The following PCCA variants were observed in gnomAD, a reference collection of about 807,000 sequenced individuals.
PCCA encodes the protein propionyl-CoA carboxylase alpha chain, mitochondrial.
PCCA carries 74 observed loss-of-function variants against 101.3 expected under a neutral mutation model. The ratio of observed to expected loss-of-function variants is 0.73; its 90% CI spans 0.61 to 0.89. The LOEUF is 0.89. Ranked by LOEUF, PCCA falls within the 40% of genes least tolerant of loss-of-function variation. The probability of loss-of-function intolerance (pLI) is 0.00; values close to 1 mark genes in which losing one functional copy is unlikely to be tolerated. For synonymous variants in PCCA, 294 were observed against 313.6 expected (o/e 0.94, Z 0.66); for missense variants, 891 against 907.0 (o/e 0.98, Z 0.23).
chr13:100,111,459 G>T (rs1004714998), intron 2 of PCCA, among the ~76,000 whole-genome samples: 1 of 152,008 alleles, frequency 6.6e-6, no homozygotes, highest in Non-Finnish European at 1.5e-5. Flanking sequence ...CTGCACCCGG[G>T]CTTGACCAAA....
chr13:100,110,657 A>G (rs1269150067), intron 2 of PCCA, among the ~76,000 whole-genome samples: 1 of 152,216 alleles, frequency 6.6e-6, no homozygotes, highest in East Asian at 1.9e-4. Flanking sequence ...TGAGTTACTG[A>G]AAATATGCCC....
At chr13:100,510,694 C>T (rs550669784) in intron 21 of PCCA, among the ~76,000 whole-genome samples, 2 of 152,138 alleles carry the variant, frequency 1.3e-5, no homozygotes, top group Admixed American at 6.5e-5. Flanking sequence ...CACAACTGGG[C>T]GCTGATATAA....
At chr13:100,513,490 T>A (rs888474628) in intron 21 of PCCA, among the ~76,000 whole-genome samples, 6 of 152,172 alleles carry the variant, frequency 3.9e-5, no homozygotes, top group Non-Finnish European at 8.8e-5. Context: ...GAGAAAGGAA[T>A]CTGAAAGATG....
chr13:100,372,899 T>C (rs1022464133), intron 19 of PCCA, among the ~76,000 whole-genome samples: 1 of 151,942 alleles, frequency 6.6e-6, no homozygotes, highest in African/African-American at 2.4e-5. Flanking sequence ...GCCACCACAC[T>C]TGGCTAATTT....
intron 6 of PCCA, among the ~76,000 whole-genome samples, chr13:100,177,167 A>T (rs2056319844): frequency 6.6e-6 from 1 of 152,218 alleles, no homozygotes; most frequent in Non-Finnish European, 1.5e-5. Context: ...AAAATTCAGT[A>T]AGACATGAAT....
chr13:100,529,169 C>T (rs539145826), intron 23 of PCCA, among the ~76,000 whole-genome samples: 1 of 152,262 alleles, frequency 6.6e-6, no homozygotes, highest in South Asian at 2.1e-4. Flanking sequence ...TGCAAAGTAG[C>T]AGGCCCTGGT....
At position 100,396,112 on chromosome 13, in the gene PCCA, C is replaced by T. The variant is rs146037310; in HGVS notation, c.1746+27538C>T. On this transcript the variant is annotated intron_variant, in intron 19 of 23. Transcript: ENST00000376285. ...ACAATAGTCTCTGAAGATAGAGAAA[C>T]CTCTGTCACTTACCAGTTGTGTAAA... Among the ~76,000 whole-genome samples the T allele has an allele frequency of 2.1e-3, 320 of 152,254 alleles. 1 individual carries two copies. Among genetic ancestry groups the T allele is most frequent in the African/African-American group, 7.4e-3 (307 of 41,544 alleles).
rs72658547 is a variant in PCCA, at chr13:100,264,243, A to G, written c.819+1412A>G. Among the ~76,000 whole-genome samples the G allele has an allele frequency of 1.0e-3, 123 of 121,390 alleles. 3 individuals are homozygous for G. The highest frequency in any genetic ancestry group is 2.3e-3 in the African/African-American group (70 of 29,944). 79.6% of individuals were successfully genotyped at this position (121,390 alleles called of 152,430 possible). On this transcript the variant is annotated intron_variant, in intron 10 of 23. Transcript: ENST00000376285. ...CATATATATGTGATATCTGTATATC[A>G]TATATATGTGATATCTGTATCTCAT...
chr13:100,363,945 C>T (rs774000007), intron 18 of PCCA, among the ~76,000 whole-genome samples: 1 of 152,158 alleles, frequency 6.6e-6, no homozygotes, highest in Non-Finnish European at 1.5e-5. Flanking sequence ...GACAGTTCTT[C>T]ACCATCAAAT....
At chr13:100,498,040 G>GT (rs1401472105) in intron 21 of PCCA, among the ~76,000 whole-genome samples, 3 of 151,626 alleles carry the variant, frequency 2.0e-5, no homozygotes, top group Admixed American at 2.0e-4. Context: ...TGGCTAACCT[G>GT]TTTTTTTGTA....
chr13:100,298,684 T>C (rs185449567), intron 12 of PCCA, among the ~76,000 whole-genome samples: 2 of 7,822 alleles, frequency 2.6e-4, no homozygotes, highest in African/African-American at 5.1e-4. Flanking sequence ...CCTTCCTTCC[T>C]TCCTTCCTTC....
intron 9 of PCCA, among the ~76,000 whole-genome samples, chr13:100,260,959 A>T (rs1362968088): frequency 6.6e-6 from 1 of 152,026 alleles, no homozygotes; most frequent in Non-Finnish European, 1.5e-5. Context: ...TGACATCATT[A>T]AAGAAAACAC....
rs1281449669 is a variant in PCCA at position 100,400,630 on chromosome 13, CT to C, written c.1747-24986del. On this transcript the variant is annotated intron_variant, in intron 19 of 23. Transcript: ENST00000376285. ...TGATTGATCTTAGTTCTTTTTAGTT[CT>C]TTTTTTTTTTTTTTTTGAGAGTTTT... Among the ~76,000 whole-genome samples, 380 of 90,960 alleles carry C rather than the reference CT, an allele frequency of 4.2e-3. 14 individuals carry two copies. The East Asian group carries it at 0.044, about 11-fold the overall frequency. 59.7% of individuals were successfully genotyped at this position (90,960 alleles called of 152,430 possible).
chr13:100,424,281 C>T (rs1247628235), intron 19 of PCCA, among the ~76,000 whole-genome samples: 2 of 152,072 alleles, frequency 1.3e-5, no homozygotes, highest in African/African-American at 2.4e-5. Context: ...CTTGGAGCAT[C>T]CCCGGATTTT....
intron 6 of PCCA, among the ~76,000 whole-genome samples, chr13:100,163,399 G>A (rs1213553578): frequency 6.6e-6 from 1 of 152,132 alleles, no homozygotes; most frequent in Non-Finnish European, 1.5e-5. Flanking sequence ...TCTGAAGATT[G>A]TGTTTTATTC....
rs186404616 is a variant in PCCA, at chr13:100,380,331, C to T, written c.1746+11757C>T. ...GAGCTCTGATCACACCACTGCACTCCAGCCTGGGATACAGAGCAAAACTCT... is the reference window on the plus strand; with the variant it reads ...GAGCTCTGATCACACCACTGCACTCTAGCCTGGGATACAGAGCAAAACTCT... On this transcript the variant is annotated intron_variant, in intron 19 of 23. Transcript: ENST00000376285. Among the ~76,000 whole-genome samples the T allele has an allele frequency of 9.9e-5, 15 of 152,248 alleles. No individual in the cohort carries two copies. In the East Asian group the frequency reaches 1.9e-3, roughly 20 times the overall value.
intron 21 of PCCA, among the ~76,000 whole-genome samples, chr13:100,450,265 T>A (rs1423570009): frequency 2.0e-5 from 3 of 151,470 alleles, no homozygotes; most frequent in Non-Finnish European, 2.9e-5. Context: ...GCGCCTATAA[T>A]CCCAGCTACT....
intron 21 of PCCA, among the ~76,000 whole-genome samples, chr13:100,489,659 C>T (rs990512190): frequency 2.0e-5 from 3 of 152,146 alleles, no homozygotes; most frequent in African/African-American, 4.8e-5. Context: ...ACGGAATGGC[C>T]GGCCAAATTT....
intron 2 of PCCA, among the ~76,000 whole-genome samples, chr13:100,108,777 T>C (rs1371484624): frequency 6.6e-6 from 1 of 152,238 alleles, no homozygotes; most frequent in East Asian, 1.9e-4. Flanking sequence ...CATATTCTTT[T>C]ATAGGCATAG....
Sources: allele counts gnomAD v4.1 joint callset (sites outside exome capture counted in the v4.1 genomes callset), GRCh38; gene constraint gnomAD v4.1.1; transcripts MANE v1.5; gene names NCBI Gene and HGNC (gene_info 2026-07-23, HGNC 2026-07-21).